TTC6: variants seen among roughly 807,000 people sequenced by gnomAD.
The protein encoded by TTC6 is tetratricopeptide repeat domain 6.
In TTC6, 172 loss-of-function variants were observed where a neutral mutation model predicts 210.4. The ratio of observed to expected loss-of-function variants is 0.82; its 90% CI spans 0.72 to 0.93. The LOEUF is 0.93. TTC6 is among the 40% of genes least tolerant of loss of function. TTC6 has a pLI of 0.00. For synonymous variants in TTC6, 804 were observed against 819.6 expected (o/e 0.98, Z 0.32); for missense variants, 2,414 against 2,318.1 (o/e 1.04, Z -0.85).
At chr14:37,704,610 T>C (rs1162993830) in intron 5 of TTC6, among the ~76,000 whole-genome samples, 1 of 152,054 alleles carries the variant, frequency 6.6e-6, no homozygotes, top group African/African-American at 2.4e-5. Flanking sequence ...TAAATGATCT[T>C]TTTATATTAA....
At chr14:37,776,290 A>C (rs1293062238) in intron 14 of TTC6, among the ~76,000 whole-genome samples, 1 of 152,006 alleles carries the variant, frequency 6.6e-6, no homozygotes, top group Non-Finnish European at 1.5e-5. Context: ...ATGCCTTTTC[A>C]TTGGGGCATT....
intron 5 of TTC6, among the ~76,000 whole-genome samples, chr14:37,712,693 C>T (rs759713137): frequency 6.6e-6 from 1 of 152,062 alleles, no homozygotes; most frequent in Non-Finnish European, 1.5e-5. Context: ...CTTATGAAAC[C>T]ATCAGCTCTT....
chr14:37,784,008 A>G (rs1174475519), intron 14 of TTC6, among the ~76,000 whole-genome samples: 1 of 152,110 alleles, frequency 6.6e-6, no homozygotes, highest in African/African-American at 2.4e-5. Flanking sequence ...GTTTGTTATA[A>G]TTTCTGTTCT....
At chr14:37,629,531 A>T (rs1228805215) in intron 1 of TTC6, among the ~76,000 whole-genome samples, 1 of 152,226 alleles carries the variant, frequency 6.6e-6, no homozygotes, top group African/African-American at 2.4e-5. Flanking sequence ...TTTTCTAAAT[A>T]TACAATCATG....
At chr14:37,740,078 G>A (rs2095914356) in intron 10 of TTC6, among the ~76,000 whole-genome samples, 1 of 151,522 alleles carries the variant, frequency 6.6e-6, no homozygotes, top group South Asian at 2.1e-4. Flanking sequence ...GCAGGAGAAT[G>A]GCGTGAACCC....
intron 1 of TTC6, among the ~76,000 whole-genome samples, chr14:37,651,434 T>G (rs1316312214): frequency 2.7e-5 from 1 of 36,974 alleles, no homozygotes. Flanking sequence ...TATTTTTTTT[T>G]TTTTTTTTTT....
intron 1 of TTC6, among the ~76,000 whole-genome samples, chr14:37,654,689 A>G (rs2095718790): frequency 6.6e-6 from 1 of 152,232 alleles, no homozygotes; most frequent in Non-Finnish European, 1.5e-5. Flanking sequence ...CCTTAAGAAA[A>G]TAGAAGAACT....
chr14:37,602,277 C>T (rs186413700), intron 1 of TTC6, among the ~76,000 whole-genome samples: 60 of 152,350 alleles, frequency 3.9e-4, no homozygotes, highest in Non-Finnish European at 7.2e-4. Flanking sequence ...TCATAAGATA[C>T]AGAGTGTTTT....
At chr14:37,689,403 T>C (rs2138603404) in intron 3 of TTC6, among the ~76,000 whole-genome samples, 1 of 152,220 alleles carries the variant, frequency 6.6e-6, no homozygotes, top group Admixed American at 6.5e-5. Context: ...GAAAGTTTAC[T>C]CAAAGGGATA....
Position 37,753,097 on chromosome 14 carries a change from A to G in TTC6, c.3130-2A>G, listed in dbSNP as rs2095957251. ...TTTATGTACCTCCCGCTGTCCCTAT[A>G]GTGTATTTTTTATGATCCCAAAAGA... On this transcript the variant is annotated splice_acceptor_variant, in intron 13 of 30. Transcript: ENST00000553443. LOFTEE classifies it high-confidence loss of function. 42 of 1,530,970 alleles carry G rather than the reference A, an allele frequency of 2.7e-5. No homozygotes were observed. Among genetic ancestry groups the G allele is most frequent in the Non-Finnish European group, 3.6e-5 (41 of 1,143,174 alleles). The allele number at this position is 1,530,970 out of a possible 1,614,324, so 94.8% of individuals were successfully genotyped here.
chr14:37,627,773 T>C (rs2095662846), intron 1 of TTC6, among the ~76,000 whole-genome samples: 1 of 151,072 alleles, frequency 6.6e-6, no homozygotes, highest in South Asian at 2.1e-4. Flanking sequence ...TATGTGTGCA[T>C]GTGTCTTTAT....
chr14:37,753,898 C>T (rs1461582780), intron 14 of TTC6, among the ~76,000 whole-genome samples: 1 of 151,592 alleles, frequency 6.6e-6, no homozygotes, highest in African/African-American at 2.4e-5. Context: ...TTTTCATTAT[C>T]CTATTGTATT....
intron 29 of TTC6, among the ~76,000 whole-genome samples, chr14:37,835,825 A>G (rs2096196582): frequency 6.6e-6 from 1 of 152,160 alleles, no homozygotes; most frequent in Non-Finnish European, 1.5e-5. Flanking sequence ...CTTGCTTTGT[A>G]TATAATTCTC....
intron 14 of TTC6, among the ~76,000 whole-genome samples, chr14:37,786,065 C>G (rs182256325): frequency 6.6e-6 from 1 of 152,286 alleles, no homozygotes; most frequent in Middle Eastern, 3.4e-3. Flanking sequence ...TTAGGCTACT[C>G]GGGGGTCAGG....
At chr14:37,643,114 C>T (rs1455793574) in intron 1 of TTC6, among the ~76,000 whole-genome samples, 1 of 151,954 alleles carries the variant, frequency 6.6e-6, no homozygotes, top group Non-Finnish European at 1.5e-5. Flanking sequence ...TTGTGACCAG[C>T]CTGGCCAATA....
chr14:37,701,452 C>T (rs1023601221), exon 5 of TTC6: 4 of 1,527,452 alleles, frequency 2.6e-6, no homozygotes, highest in Non-Finnish European at 3.5e-6. Flanking sequence ...ACAGGAAAGG[C>T]CACGATACCC....
chr14:37,753,211 T>C, exon 14 of TTC6: 1 of 1,533,246 alleles, frequency 6.5e-7, no homozygotes, highest in Non-Finnish European at 8.7e-7. Flanking sequence ...TTGTTAAATA[T>C]AGATCACCAA....
chr14:37,636,124 T>C (rs1335717538), intron 1 of TTC6, among the ~76,000 whole-genome samples: 1 of 151,382 alleles, frequency 6.6e-6, no homozygotes, highest in African/African-American at 2.4e-5. Flanking sequence ...CTACAAAATA[T>C]GTGAAGTAAA....
chr14:37,626,560 A>G (rs2095660652), intron 1 of TTC6, among the ~76,000 whole-genome samples: 1 of 152,160 alleles, frequency 6.6e-6, no homozygotes, highest in Admixed American at 6.5e-5. Context: ...CCTGAACATT[A>G]TATATAAAAC....
Sources: gnomAD v4.1 joint callset for allele counts (sites outside exome capture counted in the v4.1 genomes callset) on GRCh38, gnomAD v4.1.1 for gene constraint, MANE v1.5 for transcripts, NCBI Gene and HGNC (gene_info 2026-07-23, HGNC 2026-07-21) for gene names.